Variants in ZNF566 observed in about 807,000 individuals in gnomAD.
The protein encoded by ZNF566 is zinc finger protein 566.
In ZNF566, 27 loss-of-function variants were observed where a neutral mutation model predicts 32.8. The observed-to-expected ratio is 0.82, with a 90% CI of 0.61 to 1.14. The LOEUF is 1.14. Among genes scored for constraint, ZNF566 ranks in the 50% most tolerant of loss-of-function variants. The probability of loss-of-function intolerance (pLI) is 0.00; values close to 1 mark genes in which losing one functional copy is unlikely to be tolerated. For missense variants in ZNF566, 402 were observed against 490.4 expected, an observed-to-expected ratio of 0.82 and a Z score of 1.70; for synonymous variants, 154 against 159.5, an observed-to-expected ratio of 0.97 and a Z score of 0.26.
At chr19:36,466,768 C>T (rs2145672280) in intron 4 of ZNF566, among the ~76,000 whole-genome samples, 1 of 152,094 alleles carries the variant, frequency 6.6e-6, no homozygotes, top group East Asian at 1.9e-4. Context: ...AACTCTTACA[C>T]ATTAAGAAAA....
Position 36,449,389 on chromosome 19 carries a change from G to C in ZNF566, c.845C>G (p.Pro282Arg). 1 of 1,614,130 alleles carries C rather than the reference G, an allele frequency of 6.2e-7. No homozygotes were observed. Among genetic ancestry groups the C allele is most frequent in the South Asian group, 1.1e-5 (1 of 91,084 alleles). The change falls in exon 5 of 5, where the codon CCT becomes CGT. Residue 282 changes from proline (P) to arginine (R), a missense_variant. Pro to Arg is a moderately radical substitution (Grantham distance 103, BLOSUM62 -2). This residue lies in a region of ZNF566 where 135 missense variants were observed against 210.0 expected (regional missense o/e 0.64). Transcript: ENST00000452939. ...RHQRIHTGEK[P>R]YECKECGKAF... is the part of the protein sequence containing the mutation. The stretch of plus-strand genomic sequence containing the variant: ...CTTCCCGCATTCTTTGCATTCATAA[G>C]GCTTCTCACCTGTGTGAATTCTCTG...
At chr19:36,456,577 A>C (rs2033320713) in intron 4 of ZNF566, 2 of 151,384 alleles carry the variant, frequency 1.3e-5, no homozygotes, top group Admixed American at 1.3e-4. Context: ...CATTAAATAA[A>C]AAAGGGGGGT....
At chr19:36,479,851 TG>T (rs1450945237) in intron 1 of ZNF566, among the ~76,000 whole-genome samples, 1 of 152,154 alleles carries the variant, frequency 6.6e-6, no homozygotes, top group Non-Finnish European at 1.5e-5. Flanking sequence ...TGGTTTTAGT[TG>T]TTTTTTTGTT....
At chr19:36,452,130 T>C (rs1009168921) in intron 4 of ZNF566, among the ~76,000 whole-genome samples, 12 of 151,510 alleles carry the variant, frequency 7.9e-5, no homozygotes, top group Admixed American at 6.6e-4. Context: ...AGTCACTGAC[T>C]CTTAGACAAG....
At chr19:36,457,196 A>G (rs1191848727) in intron 4 of ZNF566, among the ~76,000 whole-genome samples, 1 of 152,238 alleles carries the variant, frequency 6.6e-6, no homozygotes, top group Non-Finnish European at 1.5e-5. Flanking sequence ...GGATAGCCAC[A>G]TGCAAAAGAA....
chr19:36,466,186 T>C (rs908093579), intron 4 of ZNF566, among the ~76,000 whole-genome samples: 4 of 151,928 alleles, frequency 2.6e-5, no homozygotes, highest in Non-Finnish European at 5.9e-5. Context: ...TTTTCTCTAA[T>C]GGAAAGGAAC....
intron 4 of ZNF566, among the ~76,000 whole-genome samples, chr19:36,454,141 C>T (rs2033240099): frequency 6.6e-6 from 1 of 152,062 alleles, no homozygotes; most frequent in South Asian, 2.1e-4. Context: ...TCAAGCTATC[C>T]TCCCACCTCA....
intron 4 of ZNF566, among the ~76,000 whole-genome samples, chr19:36,460,062 C>A (rs2033423338): frequency 6.6e-6 from 1 of 152,054 alleles, no homozygotes; most frequent in Non-Finnish European, 1.5e-5. Flanking sequence ...CCACCTTGAC[C>A]TCCCAAAGTG....
At chr19:36,468,830 C>T (rs2033691084) in intron 4 of ZNF566, among the ~76,000 whole-genome samples, 2 of 151,244 alleles carry the variant, frequency 1.3e-5, no homozygotes, top group East Asian at 2.0e-4. Flanking sequence ...GGGGGGATCA[C>T]GTGAGCCCAG....
In ZNF566 at chr19:36,488,568, C is replaced by G. The variant is rs550134151; in HGVS notation, c.-60+918G>C. The stretch of plus-strand genomic sequence containing the variant: ...CGGCAATTCTGCTGGTAAATAAACT[C>G]AAGCATGTGTACCCCATGTGAAAGA... On this transcript the variant is annotated intron_variant, in intron 1 of 4. Transcript: ENST00000452939. Among the ~76,000 whole-genome samples the G allele has an allele frequency of 1.7e-4, 26 of 152,276 alleles. No homozygotes were observed. In the South Asian group the frequency reaches 5.4e-3, roughly 32 times the overall value.
chr19:36,483,379 C>G (rs2034082145), intron 1 of ZNF566, among the ~76,000 whole-genome samples: 2 of 152,162 alleles, frequency 1.3e-5, no homozygotes, highest in African/African-American at 2.4e-5. Flanking sequence ...GTGCCCAGAT[C>G]TTGGTTTATA....
intron 4 of ZNF566, among the ~76,000 whole-genome samples, chr19:36,469,333 T>C (rs1368100689): frequency 6.6e-6 from 1 of 150,860 alleles, no homozygotes; most frequent in South Asian, 2.1e-4. Flanking sequence ...AGGTCAGGAG[T>C]TCGAGACCAG....
At chr19:36,479,691 G>A (rs1044285789) in intron 1 of ZNF566, among the ~76,000 whole-genome samples, 10 of 152,290 alleles carry the variant, frequency 6.6e-5, no homozygotes, top group African/African-American at 1.2e-4. Flanking sequence ...TCGGAGTGCC[G>A]TGGCACGATC....
chr19:36,452,981 G>A (rs908536601), intron 4 of ZNF566, among the ~76,000 whole-genome samples: 3 of 151,864 alleles, frequency 2.0e-5, no homozygotes, highest in African/African-American at 7.3e-5. Context: ...AGCTGGGTAT[G>A]GTGGCGTGTG....
intron 2 of ZNF566, among the ~76,000 whole-genome samples, chr19:36,475,476 G>A (rs989696722): frequency 6.6e-6 from 1 of 152,104 alleles, no homozygotes; most frequent in African/African-American, 2.4e-5. Flanking sequence ...CAAAACCACA[G>A]CATGTATTTT....
chr19:36,457,197 T>A (rs567229702), intron 4 of ZNF566, among the ~76,000 whole-genome samples: 1 of 152,190 alleles, frequency 6.6e-6, no homozygotes, highest in Non-Finnish European at 1.5e-5. Flanking sequence ...GATAGCCACA[T>A]GCAAAAGAAT....
Position 36,478,616 on chromosome 19 carries a change from T to TA in ZNF566, c.-59-2001dup, listed in dbSNP as rs10541227. Among the ~76,000 whole-genome samples the TA allele has an allele frequency of 2.9e-3, 411 of 140,630 alleles. 3 individuals are homozygous for TA. Among genetic ancestry groups the TA allele is most frequent in the East Asian group, 0.015 (70 of 4,616 alleles). The allele number at this position is 140,630 out of a possible 152,430, so 92.3% of individuals were successfully genotyped here. On this transcript the variant is annotated intron_variant, in intron 1 of 4. Coordinates refer to ENST00000452939, the MANE Select transcript of ZNF566 (RefSeq NM_001145344.1). ...CTTTTAAATTCAGCCCTCATTAATG[T>TA]AAAAAAAAAAAAAAAAAAGTCTCAC... is the stretch of plus-strand genomic sequence containing the variant.
chr19:36,456,430 G>A (rs1473109631), intron 4 of ZNF566: 1 of 149,588 alleles, frequency 6.7e-6, no homozygotes, highest in African/African-American at 2.5e-5. Context: ...GCATGCACCT[G>A]TAGTCCCAGA....
Position 36,449,137 on chromosome 19 carries a change from G to A in ZNF566, c.1097C>T (p.Pro366Leu), listed in dbSNP as rs760073928. 2 of 1,613,912 alleles carry A rather than the reference G, an allele frequency of 1.2e-6. No individual in the cohort carries two copies. Among genetic ancestry groups the A allele is most frequent in the South Asian group, 2.2e-5 (2 of 91,080 alleles). Residue 366 changes from proline to leucine, a missense_variant, in exon 5 of 5, where the codon CCC (proline) becomes CTC (leucine). Coordinates refer to ENST00000452939, the MANE Select transcript of ZNF566 (RefSeq NM_001145344.1). ...CTTCCCACATATCTTACATTCATAG[G>A]GTTTCTCCCCAGTATGAATTCTCTG... ...RHQRIHTGEKPYECKICGKAY... is the reference protein window; with the variant it reads ...RHQRIHTGEKLYECKICGKAY...
Sources: gnomAD v4.1 joint callset for allele counts (sites outside exome capture counted in the v4.1 genomes callset) on GRCh38, gnomAD v4.1.1 for gene constraint, gnomAD v4.1.1 regional missense constraint, MANE v1.5 for transcripts, NCBI Gene and HGNC (gene_info 2026-07-23, HGNC 2026-07-21) for gene names.